The following DCC variants were observed in gnomAD, a reference collection of about 807,000 sequenced individuals.
DCC encodes netrin receptor DCC.
In DCC, 58 loss-of-function variants were observed where a neutral mutation model predicts 172.5. The ratio of observed to expected loss-of-function variants is 0.34; its 90% CI spans 0.27 to 0.42. The LOEUF (loss-of-function observed/expected upper bound fraction) is 0.42, where lower values mean the gene tolerates loss of function less well. Among genes scored for constraint, DCC ranks in the 10% least tolerant of loss-of-function variants. DCC has a pLI of 1.00. For missense variants in DCC, 1,740 were observed against 1,791.0 expected, an observed-to-expected ratio of 0.97 and a Z score of 0.51; for synonymous variants, 709 against 644.5, an observed-to-expected ratio of 1.10 and a Z score of -1.52.
chr18:53,236,927 T>C (rs1298673372), intron 12 of DCC, among the ~76,000 whole-genome samples: 1 of 152,096 alleles, frequency 6.6e-6, no homozygotes, highest in East Asian at 1.9e-4. Flanking sequence ...TCCATTGATC[T>C]ATTTGTTTAT....
chr18:52,808,941 G>A (rs1353978368), intron 2 of DCC, among the ~76,000 whole-genome samples: 3 of 152,128 alleles, frequency 2.0e-5, no homozygotes, highest in Admixed American at 2.0e-4. Flanking sequence ...TTTTTGGCAT[G>A]GGGATCTTGA....
At chr18:52,957,629 T>A (rs2040767353) in intron 5 of DCC, among the ~76,000 whole-genome samples, 2 of 152,158 alleles carry the variant, frequency 1.3e-5, no homozygotes, top group Admixed American at 6.6e-5. Flanking sequence ...CTATAAAGTA[T>A]GTGTGAACAG....
At chr18:52,950,454 G>A (rs1178173830) in intron 5 of DCC, among the ~76,000 whole-genome samples, 1 of 152,156 alleles carries the variant, frequency 6.6e-6, no homozygotes, top group African/African-American at 2.4e-5. Context: ...TAATTTGATA[G>A]CAGAAGGCTC....
chr18:52,373,028 C>A (rs1275829533), intron 1 of DCC, among the ~76,000 whole-genome samples: 1 of 152,130 alleles, frequency 6.6e-6, no homozygotes, highest in Non-Finnish European at 1.5e-5. Flanking sequence ...ACACCTGTGG[C>A]TTATAATCAA....
chr18:53,359,051 G>A (rs1393569887), intron 15 of DCC, among the ~76,000 whole-genome samples: 2 of 152,144 alleles, frequency 1.3e-5, no homozygotes, highest in Non-Finnish European at 2.9e-5. Flanking sequence ...GGGACGATAT[G>A]TTATGTACTG....
At chr18:52,701,261 T>C (rs930493155) in intron 1 of DCC, among the ~76,000 whole-genome samples, 3 of 152,212 alleles carry the variant, frequency 2.0e-5, no homozygotes, top group Non-Finnish European at 4.4e-5. Flanking sequence ...GTGCTTCTTA[T>C]TGATATCCTA....
chr18:53,232,779 T>G (rs1046261048), intron 12 of DCC, among the ~76,000 whole-genome samples: 2 of 152,184 alleles, frequency 1.3e-5, no homozygotes, highest in Non-Finnish European at 2.9e-5. Flanking sequence ...ATTTTAATCT[T>G]GTTTTCTTCT....
chr18:52,424,876 C>A (rs777685983), intron 1 of DCC, among the ~76,000 whole-genome samples: 2 of 150,706 alleles, frequency 1.3e-5, no homozygotes, highest in Non-Finnish European at 2.9e-5. Context: ...ATATTTCTTT[C>A]TATTTTTTTC....
rs569016489 is a variant in DCC at position 52,366,398 on chromosome 18, T to C, written c.91+25520T>C. Reference sequence around the variant, plus strand: ...TGCCAATGCTGGCTCGGGCAGCCTGTTTTTATTCTCTTATCTGGCCCCACC... The same window carrying C: ...TGCCAATGCTGGCTCGGGCAGCCTGCTTTTATTCTCTTATCTGGCCCCACC... On this transcript the variant is annotated intron_variant, in intron 1 of 28. Transcript: ENST00000442544. Among the ~76,000 whole-genome samples, 780 of 152,244 alleles carry C rather than the reference T, an allele frequency of 5.1e-3. 5 individuals carry two copies. Among genetic ancestry groups the C allele is most frequent in the African/African-American group, 0.016 (665 of 41,544 alleles).
At chr18:52,660,869 T>C (rs1031627522) in intron 1 of DCC, among the ~76,000 whole-genome samples, 3 of 152,220 alleles carry the variant, frequency 2.0e-5, no homozygotes, top group African/African-American at 4.8e-5. Context: ...CCAGCACTTC[T>C]AGAATAGCAA....
At chr18:52,511,865 G>T (rs1245849641) in intron 1 of DCC, among the ~76,000 whole-genome samples, 1 of 152,134 alleles carries the variant, frequency 6.6e-6, no homozygotes, top group Non-Finnish European at 1.5e-5. Context: ...GTGCTAACAT[G>T]CTGTCTTTCC....
chr18:52,402,359 A>G (rs1338090310), intron 1 of DCC, among the ~76,000 whole-genome samples: 3 of 151,986 alleles, frequency 2.0e-5, no homozygotes, highest in Non-Finnish European at 4.4e-5. Flanking sequence ...TAATGTGTAG[A>G]CATGGGCCTC....
chr18:52,392,549 C>A (rs1986069015), intron 1 of DCC, among the ~76,000 whole-genome samples: 1 of 152,064 alleles, frequency 6.6e-6, no homozygotes, highest in Non-Finnish European at 1.5e-5. Flanking sequence ...AGAAGAAAAA[C>A]TTAGTTCTAA....
chr18:52,374,299 A>G (rs542921725), intron 1 of DCC, among the ~76,000 whole-genome samples: 79 of 152,184 alleles, frequency 5.2e-4, no homozygotes, highest in African/African-American at 1.8e-3. Context: ...TTTACTGAGG[A>G]TATCTATTAT....
intron 2 of DCC, among the ~76,000 whole-genome samples, chr18:52,764,722 T>C (rs2037216579): frequency 6.6e-6 from 1 of 151,878 alleles, no homozygotes; most frequent in Non-Finnish European, 1.5e-5. Context: ...CGTTTTTTCT[T>C]TATAAGTTAT....
chr18:52,765,408 G>A (rs745321211), intron 2 of DCC, among the ~76,000 whole-genome samples: 1 of 152,054 alleles, frequency 6.6e-6, no homozygotes, highest in Non-Finnish European at 1.5e-5. Flanking sequence ...TTTGATAAAT[G>A]TGCATTCTGG....
At chr18:52,725,875 G>A (rs1369671733) in intron 1 of DCC, among the ~76,000 whole-genome samples, 2 of 152,030 alleles carry the variant, frequency 1.3e-5, no homozygotes, top group Admixed American at 6.6e-5. Context: ...GGCACTAGTG[G>A]GTCTTGATCT....
intron 7 of DCC, among the ~76,000 whole-genome samples, chr18:53,115,526 C>T (rs1466009250): frequency 6.6e-6 from 1 of 151,390 alleles, no homozygotes; most frequent in Non-Finnish European, 1.5e-5. Flanking sequence ...ACTGGACCAT[C>T]CAATTTCACT....
Position 53,286,094 on chromosome 18 carries a change from G to C in DCC, c.1912-19484G>C, listed in dbSNP as rs1179943950. On this transcript the variant is annotated intron_variant, in intron 12 of 28. Transcript: ENST00000442544. ...TGTCTCAGATGAGACTTTGGACTGT[G>C]GACTTTTGAGTTAATGCTGACATGA... 2.0e-5 allele frequency among the ~76,000 whole-genome samples: 3 copies of C among 152,174 alleles called. No homozygotes were observed. The East Asian group carries it at 5.8e-4, about 29-fold the overall frequency.
Sources: gnomAD v4.1 joint callset for allele counts (sites outside exome capture counted in the v4.1 genomes callset) on GRCh38, gnomAD v4.1.1 for gene constraint, MANE v1.5 for transcripts, NCBI Gene and HGNC (gene_info 2026-07-23, HGNC 2026-07-21) for gene names.